ACCSL: variants seen among roughly 807,000 people sequenced by gnomAD.
ACCSL encodes 1-aminocyclopropane-1-carboxylate synthase homolog (inactive) like, also known as probable inactive 1-aminocyclopropane-1-carboxylate synthase-like protein 2.
A neutral mutation model predicts 61.7 loss-of-function variants in ACCSL; 55 were observed. That is an observed-to-expected ratio of 0.89 (90% CI 0.72 to 1.12). The LOEUF is 1.12. Ranked by LOEUF, ACCSL falls within the 50% of genes most tolerant of loss-of-function variation. The probability of loss-of-function intolerance (pLI) is 0.00; values close to 1 mark genes in which losing one functional copy is unlikely to be tolerated. For synonymous variants in ACCSL, 258 were observed against 264.3 expected, an observed-to-expected ratio of 0.98 and a Z score of 0.23; for missense variants, 632 against 698.0, an observed-to-expected ratio of 0.91 and a Z score of 1.07.
the ACCSL span, among the ~76,000 whole-genome samples, chr11:43,981,236 C>T: frequency 6.6e-6 from 1 of 152,208 alleles, no homozygotes; most frequent in African/African-American, 2.4e-5. Context: ...ACATGAGGGG[C>T]AGCCCACAGG....
At chr11:44,004,541 G>T in the ACCSL span, among the ~76,000 whole-genome samples, 1 of 152,132 alleles carries the variant, frequency 6.6e-6, no homozygotes, top group Non-Finnish European at 1.5e-5. Context: ...ACTCTCAAGG[G>T]CATGTACCTA....
chr11:43,936,566 T>A, the ACCSL span, among the ~76,000 whole-genome samples: 23 of 150,824 alleles, frequency 1.5e-4, no homozygotes, highest in East Asian at 3.9e-3. Context: ...GGGCATTGCT[T>A]CTACACACTG....
At chr11:44,039,482 A>G in the ACCSL span, among the ~76,000 whole-genome samples, 1 of 151,940 alleles carries the variant, frequency 6.6e-6, no homozygotes, top group African/African-American at 2.4e-5. Context: ...AAATGACACA[A>G]TTGATTTTGG....
At chr11:44,030,057 ATTTT>A in the ACCSL span, among the ~76,000 whole-genome samples, 1 of 4,454 alleles carries the variant, frequency 2.2e-4, no homozygotes, top group Non-Finnish European at 4.1e-4. Context: ...TCTTTGGTTG[ATTTT>A]TTTTTTTTTT....
chr11:43,966,546 G>A, the ACCSL span, among the ~76,000 whole-genome samples: 1 of 151,746 alleles, frequency 6.6e-6, no homozygotes, highest in Non-Finnish European at 1.5e-5. Context: ...TCTGGTAAGA[G>A]TCTAGTATTT....
At chr11:43,976,328 G>C in the ACCSL span, among the ~76,000 whole-genome samples, 1 of 152,150 alleles carries the variant, frequency 6.6e-6, no homozygotes, top group East Asian at 1.9e-4. Flanking sequence ...TCCATCTCCT[G>C]ATATTCACAT....
At chr11:43,978,883 G>A in the ACCSL span, among the ~76,000 whole-genome samples, 4 of 149,818 alleles carry the variant, frequency 2.7e-5, no homozygotes, top group African/African-American at 4.9e-5. Context: ...TCAACTGGTC[G>A]GGTAAGGGGT....
the ACCSL span, among the ~76,000 whole-genome samples, chr11:44,034,437 CA>C: frequency 2.6e-5 from 4 of 152,302 alleles, no homozygotes; most frequent in Admixed American, 2.6e-4. Flanking sequence ...CTGATAAAGA[CA>C]TACCTGAAAC....
chr11:43,930,215 A>G, the ACCSL span, among the ~76,000 whole-genome samples: 1 of 151,958 alleles, frequency 6.6e-6, no homozygotes, highest in Non-Finnish European at 1.5e-5. Context: ...ACAGTAAGAA[A>G]CCTGGCCTGT....
Position 44,058,420 on chromosome 11 carries a change from C to G in ACCSL, c.1431C>G (p.Asn477Lys), listed in dbSNP as rs377057634. The change falls in exon 12 of 14, where the codon AAC becomes AAG. Residue 477 changes from asparagine to lysine, a missense_variant. Coordinates refer to ENST00000378832, the MANE Select transcript of ACCSL (RefSeq NM_001031854.2). ...ELKALEIPFH[N>K]RSSGLYVWIN... ...AGGCATTGGAGATCCCTTTTCACAA[C>G]CGCAGCTCTGGCCTCTATGTCTGGA... 3.7e-6 allele frequency: 6 copies of G among 1,614,052 alleles called. No individual in the cohort carries two copies. Among genetic ancestry groups the G allele is most frequent in the African/African-American group, 1.3e-5 (1 of 74,914 alleles).
chr11:44,024,732 A>G, the ACCSL span, among the ~76,000 whole-genome samples: 1 of 151,914 alleles, frequency 6.6e-6, no homozygotes, highest in African/African-American at 2.4e-5. Flanking sequence ...TAAATGTTCT[A>G]TTCCATTGCT....
At chr11:43,961,156 C>A in the ACCSL span, among the ~76,000 whole-genome samples, 1 of 152,082 alleles carries the variant, frequency 6.6e-6, no homozygotes, top group Admixed American at 6.5e-5. Flanking sequence ...TCTTTAATTT[C>A]ATTGTGGCCA....
chr11:43,928,288 C>T, the ACCSL span, among the ~76,000 whole-genome samples: 1 of 152,072 alleles, frequency 6.6e-6, no homozygotes, highest in East Asian at 1.9e-4. Flanking sequence ...CTGGGGGACA[C>T]CTCTAGGAAT....
chr11:44,048,031 C>T lies in ACCSL; in HGVS notation c.-6C>T, dbSNP rs201252067. 148 of 1,601,780 alleles carry T rather than the reference C, an allele frequency of 9.2e-5. 1 individual carries two copies. Among genetic ancestry groups the T allele is most frequent in the African/African-American group, 2.1e-4 (16 of 74,818 alleles). On this transcript the variant is annotated 5_prime_UTR_variant, in exon 1 of 14. Coordinates refer to ENST00000378832, the MANE Select transcript of ACCSL (RefSeq NM_001031854.2). ...GCCTTCAGAGGCCAGTAAAGATACCCGGAGTATGAGTCATCGGTCAGACAC... is the reference window on the plus strand; with the variant it reads ...GCCTTCAGAGGCCAGTAAAGATACCTGGAGTATGAGTCATCGGTCAGACAC...
At chr11:43,937,517 T>A in the ACCSL span, among the ~76,000 whole-genome samples, 2 of 152,140 alleles carry the variant, frequency 1.3e-5, no homozygotes, top group Non-Finnish European at 2.9e-5. Flanking sequence ...GTCTCCCTGC[T>A]CCTAGAAACA....
chr11:44,014,333 T>C, the ACCSL span, among the ~76,000 whole-genome samples: 2 of 152,040 alleles, frequency 1.3e-5, no homozygotes, highest in South Asian at 4.2e-4. Context: ...GCTTCCAGGC[T>C]CACTCTGTGG....
chr11:44,001,774 GCTGTGT>G, the ACCSL span, among the ~76,000 whole-genome samples: 1 of 114,288 alleles, frequency 8.7e-6, no homozygotes, highest in African/African-American at 3.5e-5. Context: ...AGGTAAAGGG[GCTGTGT>G]GTGTGTGTGT....
At chr11:44,009,342 G>A in the ACCSL span, among the ~76,000 whole-genome samples, 1 of 152,216 alleles carries the variant, frequency 6.6e-6, no homozygotes. Flanking sequence ...ACACAGGAGG[G>A]TTCTACTGTT....
chr11:44,049,575 C>T (rs530417195), intron 1 of ACCSL, among the ~76,000 whole-genome samples: 1 of 152,158 alleles, frequency 6.6e-6, no homozygotes, highest in East Asian at 1.9e-4. Flanking sequence ...TATCTCTGTT[C>T]TCCTCTAATA....
Sources: gnomAD v4.1 joint callset for allele counts (sites outside exome capture counted in the v4.1 genomes callset) on GRCh38, gnomAD v4.1.1 for gene constraint, MANE v1.5 for transcripts, NCBI Gene and HGNC (gene_info 2026-07-23, HGNC 2026-07-21) for gene names.